The following IMMP2L variants were observed in gnomAD, a reference collection of about 807,000 sequenced individuals.
IMMP2L encodes the protein mitochondrial inner membrane protease subunit 2.
A neutral mutation model predicts 19.3 loss-of-function variants in IMMP2L; 18 were observed. The observed-to-expected ratio is 0.93, with a 90% CI of 0.64 to 1.38. The LOEUF is 1.38. Among genes scored for constraint, IMMP2L ranks in the 40% most tolerant of loss-of-function variants. The pLI is 0.00. For synonymous variants in IMMP2L, 76 were observed against 73.0 expected, an observed-to-expected ratio of 1.04 and a Z score of -0.21; for missense variants, 233 against 218.2, an observed-to-expected ratio of 1.07 and a Z score of -0.43.
intron 3 of IMMP2L, chr7:111,391,700 A>G (rs1832367292): frequency 2.0e-6 from 1 of 510,542 alleles, no homozygotes; most frequent in South Asian, 3.4e-5. Context: ...TGACTATCCA[A>G]AGATGCAAAT....
At chr7:111,059,978 A>G (rs961648576) in intron 3 of IMMP2L, among the ~76,000 whole-genome samples, 3 of 152,136 alleles carry the variant, frequency 2.0e-5, no homozygotes, top group African/African-American at 7.2e-5. Flanking sequence ...AGTCCCATGA[A>G]AGTAGCCAAT....
chr7:111,440,411 C>G (rs988527060), intron 3 of IMMP2L, among the ~76,000 whole-genome samples: 1 of 151,936 alleles, frequency 6.6e-6, no homozygotes, highest in South Asian at 2.1e-4. Context: ...CAGGAAAACA[C>G]TGATCGCCTT....
chr7:110,988,656 A>G (rs1822110845), intron 3 of IMMP2L, among the ~76,000 whole-genome samples: 1 of 152,184 alleles, frequency 6.6e-6, no homozygotes, highest in Non-Finnish European at 1.5e-5. Flanking sequence ...ATACATGCCC[A>G]GATTCTATTT....
intron 5 of IMMP2L, among the ~76,000 whole-genome samples, chr7:110,836,929 C>T (rs1209813730): frequency 1.3e-5 from 2 of 152,114 alleles, no homozygotes; most frequent in South Asian, 4.1e-4. Context: ...TGAATTACCA[C>T]AACCTTTCTG....
rs546505045 is a variant in IMMP2L, at chr7:110,789,164, G to A, written c.408+97429C>T. Among the ~76,000 whole-genome samples, 18 of 151,946 alleles carry A rather than the reference G, an allele frequency of 1.2e-4. No homozygotes were observed. The South Asian group carries it at 3.5e-3, about 30-fold the overall frequency. ...GATAATTCCAGTCTCTCACCACTGAGTGAACCCCAGGCTTTGGGTCTTCCC... is the reference window on the plus strand; with the variant it reads ...GATAATTCCAGTCTCTCACCACTGAATGAACCCCAGGCTTTGGGTCTTCCC... On this transcript the variant is annotated intron_variant, in intron 5 of 5. Coordinates refer to ENST00000405709, the MANE Select transcript of IMMP2L (RefSeq NM_032549.4).
chr7:111,049,965 T>C (rs1483192437), intron 3 of IMMP2L, among the ~76,000 whole-genome samples: 5 of 152,190 alleles, frequency 3.3e-5, no homozygotes, highest in Non-Finnish European at 7.3e-5. Context: ...GTCTGATCTT[T>C]ACCAAAGAAA....
chr7:111,124,650 CACA>C, intron 3 of IMMP2L: 1 of 1,613,706 alleles, frequency 6.2e-7, no homozygotes, highest in African/African-American at 1.3e-5. Flanking sequence ...AGAATAATAC[CACA>C]ACACTTATGG....
intron 3 of IMMP2L, among the ~76,000 whole-genome samples, chr7:111,457,442 G>A (rs1839770799): frequency 1.3e-5 from 2 of 151,988 alleles, no homozygotes; most frequent in African/African-American, 4.8e-5. Context: ...ACTTGACTAA[G>A]GACACTGTCT....
At chr7:111,317,038 C>T (rs981953937) in intron 3 of IMMP2L, among the ~76,000 whole-genome samples, 8 of 151,632 alleles carry the variant, frequency 5.3e-5, no homozygotes, top group East Asian at 2.0e-4. Context: ...TTAGTAGAGA[C>T]GGGGTTTCAC....
intron 3 of IMMP2L, among the ~76,000 whole-genome samples, chr7:111,182,445 A>G (rs1353069393): frequency 6.6e-6 from 1 of 151,928 alleles, no homozygotes; most frequent in Non-Finnish European, 1.5e-5. Context: ...TCCATGATGC[A>G]TTCCACTCAA....
intron 3 of IMMP2L, among the ~76,000 whole-genome samples, chr7:111,299,723 C>T (rs1822018608): frequency 1.3e-5 from 2 of 151,806 alleles, no homozygotes; most frequent in Non-Finnish European, 2.9e-5. Context: ...AGAGGAATCT[C>T]ATGTGTGAAT....
intron 3 of IMMP2L, among the ~76,000 whole-genome samples, chr7:111,077,822 T>C (rs1365584544): frequency 6.6e-6 from 1 of 152,214 alleles, no homozygotes; most frequent in Non-Finnish European, 1.5e-5. Flanking sequence ...TAACACTTCC[T>C]CTTTGTTCAT....
chr7:111,317,063 T>C (rs1824188455), intron 3 of IMMP2L, among the ~76,000 whole-genome samples: 1 of 152,002 alleles, frequency 6.6e-6, no homozygotes, highest in Non-Finnish European at 1.5e-5. Flanking sequence ...TTGGCCAGAA[T>C]GGTCTCGATC....
intron 5 of IMMP2L, among the ~76,000 whole-genome samples, chr7:110,706,872 T>G (rs1381290630): frequency 1.3e-5 from 2 of 152,058 alleles, no homozygotes; most frequent in Non-Finnish European, 2.9e-5. Context: ...CGTCAATTTT[T>G]GTTTTTGCTG....
intron 3 of IMMP2L, among the ~76,000 whole-genome samples, chr7:111,471,449 A>T (rs1032569171): frequency 6.6e-6 from 1 of 152,118 alleles, no homozygotes; most frequent in South Asian, 2.1e-4. Context: ...GGTCCAATAC[A>T]GTAGCCAAAA....
chr7:111,209,224 C>A (rs1811042519), intron 3 of IMMP2L, among the ~76,000 whole-genome samples: 1 of 151,688 alleles, frequency 6.6e-6, no homozygotes, highest in Non-Finnish European at 1.5e-5. Context: ...AGTGAAACTC[C>A]CTCTCTAATA....
intron 3 of IMMP2L, among the ~76,000 whole-genome samples, chr7:111,278,411 C>T (rs1163701928): frequency 6.6e-6 from 1 of 152,200 alleles, no homozygotes. Context: ...CTCTTCTCCA[C>T]TCCCAACAAT....
At chr7:111,481,330 T>C (rs1236205516) in intron 3 of IMMP2L, among the ~76,000 whole-genome samples, 1 of 152,122 alleles carries the variant, frequency 6.6e-6, no homozygotes, top group Admixed American at 6.6e-5. Context: ...TACCACATTA[T>C]ATGGAGACAT....
chr7:110,894,880 A>C (rs745380994), intron 4 of IMMP2L, among the ~76,000 whole-genome samples: 5 of 152,028 alleles, frequency 3.3e-5, no homozygotes, highest in Non-Finnish European at 5.9e-5. Context: ...TTCAAATTTC[A>C]ATTTTTTACA....
Sources: allele counts gnomAD v4.1 joint callset (sites outside exome capture counted in the v4.1 genomes callset), GRCh38; gene constraint gnomAD v4.1.1; transcripts MANE v1.5; gene names NCBI Gene and HGNC (gene_info 2026-07-23, HGNC 2026-07-21).